The following ATXN1 variants were observed in gnomAD, a reference collection of about 807,000 sequenced individuals.
ATXN1 encodes ataxin 1.
ATXN1 carries 8 observed loss-of-function variants against 56.4 expected under a neutral mutation model. The ratio of observed to expected loss-of-function variants is 0.14; its 90% CI spans 0.08 to 0.26. The LOEUF is 0.26. Among genes scored for constraint, ATXN1 ranks in the 10% least tolerant of loss-of-function variants. The pLI, the probability that ATXN1 is intolerant of heterozygous loss-of-function variation, is 1.00. For synonymous variants in ATXN1, 514 were observed against 494.6 expected (o/e 1.04, Z -0.52); for missense variants, 987 against 1,106.5 (o/e 0.89, Z 1.53).
At chr6:16,308,829 CAT>C (rs1760319059) in intron 7 of ATXN1, among the ~76,000 whole-genome samples, 1 of 152,154 alleles carries the variant, frequency 6.6e-6, no homozygotes, top group South Asian at 2.1e-4. Flanking sequence ...CAGGGCTTCT[CAT>C]ATAGAGTCAT....
chr6:16,542,517 A>G (rs1434040865), intron 4 of ATXN1, among the ~76,000 whole-genome samples: 1 of 152,170 alleles, frequency 6.6e-6, no homozygotes, highest in Non-Finnish European at 1.5e-5. Flanking sequence ...ACACACGGCT[A>G]TCTTAGTTTT....
At chr6:16,392,212 T>A (rs758071248) in intron 6 of ATXN1, among the ~76,000 whole-genome samples, 16 of 152,180 alleles carry the variant, frequency 1.1e-4, no homozygotes, top group Non-Finnish European at 2.1e-4. Context: ...GCTGTTTAAT[T>A]TGGAGGAAAT....
chr6:16,457,205 G>C (rs1295140737), intron 6 of ATXN1, among the ~76,000 whole-genome samples: 1 of 152,062 alleles, frequency 6.6e-6, no homozygotes, highest in Admixed American at 6.6e-5. Flanking sequence ...GTGGTCTAAA[G>C]ACGAAAGGCA....
At chr6:16,426,562 C>A (rs1759158722) in intron 6 of ATXN1, among the ~76,000 whole-genome samples, 1 of 151,346 alleles carries the variant, frequency 6.6e-6, no homozygotes, top group Admixed American at 6.6e-5. Context: ...AGCCACCTGG[C>A]CTGTGTGTGG....
At chr6:16,378,537 C>CTTTATTTATTTA (rs71535078) in intron 6 of ATXN1, among the ~76,000 whole-genome samples, 29 of 146,786 alleles carry the variant, frequency 2.0e-4, no homozygotes, top group East Asian at 4.1e-4. Flanking sequence ...CCTCTCTTGA[C>CTTTATTTATTTA]TTTATTTATT....
At chr6:16,347,948 A>AT (rs1761462235) in intron 6 of ATXN1, among the ~76,000 whole-genome samples, 2 of 152,220 alleles carry the variant, frequency 1.3e-5, no homozygotes, top group Admixed American at 1.3e-4. Flanking sequence ...TGTATGAGCT[A>AT]TAACACTCAC....
intron 2 of ATXN1, among the ~76,000 whole-genome samples, chr6:16,662,010 T>C (rs1271083391): frequency 6.6e-6 from 1 of 152,318 alleles, no homozygotes; most frequent in Admixed American, 6.5e-5. Flanking sequence ...AGTAATTACT[T>C]ACACAGCAGT....
intron 6 of ATXN1, among the ~76,000 whole-genome samples, chr6:16,363,221 G>A (rs1021486191): frequency 1.3e-5 from 2 of 152,228 alleles, no homozygotes; most frequent in African/African-American, 4.8e-5. Flanking sequence ...CTAGATCTAA[G>A]CTCTCTGAGA....
intron 4 of ATXN1, among the ~76,000 whole-genome samples, chr6:16,563,251 T>C (rs561383425): frequency 3.6e-4 from 55 of 152,236 alleles, no homozygotes; most frequent in Admixed American, 5.9e-4. Flanking sequence ...ATAAGAAATG[T>C]GACTATGAGC....
chr6:16,437,157 G>T (rs2113591043), intron 6 of ATXN1, among the ~76,000 whole-genome samples: 1 of 152,310 alleles, frequency 6.6e-6, no homozygotes, highest in South Asian at 2.1e-4. Context: ...TGTCAGTTTT[G>T]AGATGGTTTG....
At chr6:16,692,855 T>G (rs17669356) in intron 2 of ATXN1, among the ~76,000 whole-genome samples, 27 of 152,222 alleles carry the variant, frequency 1.8e-4, no homozygotes, top group Admixed American at 1.7e-3. Flanking sequence ...TTCAAAACCT[T>G]AGTCAGAACG....
Position 16,306,407 on chromosome 6 carries a change from A to C in ATXN1, c.2370T>G (p.Pro790=). The change falls in exon 8 of 8, where the codon CCT becomes CCG. Residue 790 remains proline (P), a synonymous_variant. Coordinates refer to ENST00000436367, the MANE Select transcript of ATXN1 (RefSeq NM_001128164.2). This position sits in a 1 kb window ranked among gnomAD's most constrained non-coding sequence, Gnocchi z 5.2. ...RKLEKSEDEP[P]LTLPKPSLIP... ...TTAGAGAAGGCTTAGGAAGAGTCAA[A>C]GGTGGTTCGTCTTCTGACTTCTCCA... The C allele has an allele frequency of 6.2e-7, 1 of 1,614,170 alleles. No individual in the cohort carries two copies. The highest frequency in any genetic ancestry group is 8.5e-7 in the Non-Finnish European group (1 of 1,180,030).
intron 4 of ATXN1, among the ~76,000 whole-genome samples, chr6:16,530,178 G>A (rs236926): frequency 0.73 from 110,399 of 152,114 alleles, 41,132 homozygotes; most frequent in African/African-American, 0.88. Context: ...TCATTTTCAA[G>A]GAGACTCTTA....
chr6:16,327,935 T>C lies in ATXN1; in HGVS notation c.376A>G (p.Thr126Ala). ...SPVQYAHLPH[T>A]FQFIGSSQYS... Reference sequence around the variant, plus strand: ...TGGGAGGACCCAATGAACTGGAAGGTGTGCGGCAGGTGAGCGTACTGCACG... The same window carrying C: ...TGGGAGGACCCAATGAACTGGAAGGCGTGCGGCAGGTGAGCGTACTGCACG... Residue 126 changes from threonine to alanine, a missense_variant, in exon 7 of 8, where the codon ACC (threonine) becomes GCC (alanine). Physicochemically the swap from Thr to Ala is moderately conservative, Grantham distance 58. Around this residue, in one of 3 missense-constraint regions of ATXN1, gnomAD observed 723 missense variants for 791.7 expected, o/e 0.91. Coordinates refer to ENST00000436367, the MANE Select transcript of ATXN1 (RefSeq NM_001128164.2). The C allele has an allele frequency of 6.2e-7, 1 of 1,611,644 alleles. No homozygotes were observed. The highest frequency in any genetic ancestry group is 8.5e-7 in the Non-Finnish European group (1 of 1,179,902).
intron 6 of ATXN1, among the ~76,000 whole-genome samples, chr6:16,342,297 G>A (rs1387285290): frequency 1.3e-5 from 2 of 150,880 alleles, no homozygotes; most frequent in African/African-American, 4.9e-5. Context: ...TCCACAATGA[G>A]ACACCACTTC....
At chr6:16,494,465 A>G (rs892967629) in intron 5 of ATXN1, among the ~76,000 whole-genome samples, 1 of 152,210 alleles carries the variant, frequency 6.6e-6, no homozygotes, top group African/African-American at 2.4e-5. Flanking sequence ...TATGCTGGAA[A>G]AATGTCTATC....
intron 2 of ATXN1, among the ~76,000 whole-genome samples, chr6:16,664,682 C>T (rs1561799203): frequency 6.6e-6 from 1 of 151,900 alleles, no homozygotes; most frequent in Non-Finnish European, 1.5e-5. Context: ...AGGGTGTAGA[C>T]ACTGACCAGA....
chr6:16,595,583 A>G (rs1762799690), intron 3 of ATXN1, among the ~76,000 whole-genome samples: 1 of 152,264 alleles, frequency 6.6e-6, no homozygotes, highest in Non-Finnish European at 1.5e-5. Context: ...TGAGGGCAAC[A>G]GTCTGTGAAA....
intron 7 of ATXN1, among the ~76,000 whole-genome samples, chr6:16,319,260 G>T (rs770684605): frequency 4.6e-5 from 7 of 151,978 alleles, no homozygotes; most frequent in Non-Finnish European, 8.8e-5. Context: ...AATATTCAGT[G>T]CTAAAAAGAA....
Sources: allele counts gnomAD v4.1 joint callset (sites outside exome capture counted in the v4.1 genomes callset), GRCh38; gene constraint gnomAD v4.1.1; regional missense constraint gnomAD v4.1.1; non-coding constraint Gnocchi (gnomAD v3.1); transcripts MANE v1.5; gene names NCBI Gene and HGNC (gene_info 2026-07-23, HGNC 2026-07-21).